GALNT17: variants seen among roughly 807,000 people sequenced by gnomAD.
GALNT17 encodes polypeptide N-acetylgalactosaminyltransferase 17, also known as UDP-GalNAc:polypeptide N-acetylgalactosaminyltransferase-like 3.
Under a neutral mutation model 63.7 loss-of-function variants are expected in GALNT17, and 29 were observed. The ratio of observed to expected loss-of-function variants is 0.46; its 90% CI spans 0.34 to 0.62. The LOEUF (loss-of-function observed/expected upper bound fraction) is 0.62, where lower values mean the gene tolerates loss of function less well. GALNT17 is among the 20% of genes least tolerant of loss of function. The probability of loss-of-function intolerance (pLI) is 0.01; values close to 1 mark genes in which losing one functional copy is unlikely to be tolerated. For missense variants in GALNT17, 603 were observed against 799.6 expected, an observed-to-expected ratio of 0.75 and a Z score of 2.97; for synonymous variants, 305 against 318.3, an observed-to-expected ratio of 0.96 and a Z score of 0.45.
chr7:71,670,267 G>T (rs1391472179), intron 8 of GALNT17, among the ~76,000 whole-genome samples, 158 bp downstream of exon 8: 1 of 152,100 alleles, frequency 6.6e-6, no homozygotes, highest in East Asian at 1.9e-4. Context: ...GGGGGGTTGG[G>T]GTAGGGAACA....
At chr7:71,596,547 A>G (rs753940883) in intron 6 of GALNT17, among the ~76,000 whole-genome samples, 3 of 151,958 alleles carry the variant, frequency 2.0e-5, no homozygotes, top group Non-Finnish European at 4.4e-5. Flanking sequence ...AATGGGAGGG[A>G]AGAAGGGGAG....
At chr7:71,283,249 C>T (rs141914404) in intron 1 of GALNT17, among the ~76,000 whole-genome samples, 14 of 147,970 alleles carry the variant, frequency 9.5e-5, no homozygotes, top group Non-Finnish European at 2.1e-4. Context: ...ACACCTTTCC[C>T]AGGTTCTTTT....
chr7:71,567,803 C>G (rs996056956), intron 5 of GALNT17, among the ~76,000 whole-genome samples: 1 of 152,188 alleles, frequency 6.6e-6, no homozygotes, highest in African/African-American at 2.4e-5. Flanking sequence ...GCTCCATTGA[C>G]TTATGCAATT....
intron 2 of GALNT17, among the ~76,000 whole-genome samples, chr7:71,367,916 C>A (rs189947301): frequency 1.3e-5 from 2 of 152,010 alleles, no homozygotes; most frequent in African/African-American, 4.8e-5. Flanking sequence ...TGTGATGGAG[C>A]CACACAGAGA....
intron 2 of GALNT17, among the ~76,000 whole-genome samples, chr7:71,368,340 C>T (rs565431219): frequency 6.6e-6 from 1 of 152,332 alleles, no homozygotes; most frequent in East Asian, 1.9e-4. Context: ...CCTGAAACAT[C>T]TATTTCAGTT....
intron 6 of GALNT17, among the ~76,000 whole-genome samples, chr7:71,575,220 C>A (rs764829400): frequency 6.6e-6 from 1 of 152,068 alleles, no homozygotes; most frequent in Admixed American, 6.6e-5. Context: ...CCATCCCCAC[C>A]GCCTGAATAA....
intron 5 of GALNT17, among the ~76,000 whole-genome samples, chr7:71,561,372 G>C (rs1020270490): frequency 6.6e-6 from 1 of 152,154 alleles, no homozygotes; most frequent in Non-Finnish European, 1.5e-5. Flanking sequence ...GCGGTACTAC[G>C]AAAACACTCA....
intron 1 of GALNT17, among the ~76,000 whole-genome samples, chr7:71,304,258 C>T (rs533746404): frequency 6.6e-6 from 1 of 152,182 alleles, no homozygotes; most frequent in African/African-American, 2.4e-5. Flanking sequence ...ACATTTACAA[C>T]GTGCCAGCAT....
intron 3 of GALNT17, among the ~76,000 whole-genome samples, chr7:71,394,354 C>T (rs774505287): frequency 6.6e-6 from 1 of 152,144 alleles, no homozygotes; most frequent in Admixed American, 6.5e-5. Flanking sequence ...CACCTACCAC[C>T]AGGCCCCACC....
chr7:71,181,884 G>GAA (rs11347622), intron 1 of GALNT17, among the ~76,000 whole-genome samples: 3 of 141,020 alleles, frequency 2.1e-5, no homozygotes, highest in Non-Finnish European at 4.7e-5. Flanking sequence ...CTCTTAAAAG[G>GAA]AAAAAAAAAA....
intron 1 of GALNT17, among the ~76,000 whole-genome samples, chr7:71,281,712 C>T (rs73354292): frequency 0.035 from 5,284 of 152,236 alleles, 323 homozygotes; most frequent in African/African-American, 0.12. Context: ...GTTTCCTTAA[C>T]GCTGGAAAAT....
At chr7:71,338,712 T>C (rs1483624989) in intron 2 of GALNT17, among the ~76,000 whole-genome samples, 1 of 152,226 alleles carries the variant, frequency 6.6e-6, no homozygotes, top group Non-Finnish European at 1.5e-5. Context: ...TTCTCCATTT[T>C]CTATTAGATT....
chr7:71,241,734 A>T (rs868620568), intron 1 of GALNT17, among the ~76,000 whole-genome samples: 1 of 152,056 alleles, frequency 6.6e-6, no homozygotes, highest in South Asian at 2.1e-4. Context: ...CAAAAAATTT[A>T]AAAAATTAGC....
intron 1 of GALNT17, among the ~76,000 whole-genome samples, chr7:71,285,763 T>C (rs4717590): frequency 0.43 from 65,625 of 152,046 alleles, 16,238 homozygotes; most frequent in Non-Finnish European, 0.54. Flanking sequence ...AATGTGCTGG[T>C]GCCTTGGTCT....
intron 6 of GALNT17, among the ~76,000 whole-genome samples, chr7:71,602,927 A>C (rs1789986500): frequency 6.6e-6 from 1 of 152,164 alleles, no homozygotes; most frequent in Non-Finnish European, 1.5e-5. Context: ...TGCTAAGTGC[A>C]TATACCAGGT....
At chr7:71,313,688 C>T (rs1303455450) in intron 1 of GALNT17, among the ~76,000 whole-genome samples, 1 of 152,160 alleles carries the variant, frequency 6.6e-6, no homozygotes, top group Non-Finnish European at 1.5e-5. Flanking sequence ...AGAGAGGGAG[C>T]TAGTCTGGGG....
intron 5 of GALNT17, among the ~76,000 whole-genome samples, chr7:71,432,200 A>G (rs556299429): frequency 2.6e-5 from 4 of 152,254 alleles, no homozygotes; most frequent in African/African-American, 9.6e-5. Flanking sequence ...GCAGAGATGC[A>G]TGAAGAGTCC....
intron 1 of GALNT17, among the ~76,000 whole-genome samples, chr7:71,254,635 A>G (rs1790257691): frequency 6.6e-6 from 1 of 152,064 alleles, no homozygotes; most frequent in African/African-American, 2.4e-5. Flanking sequence ...AATTCCCATC[A>G]TGGTCTCACC....
At chr7:71,641,355 G>A (rs571366484) in intron 6 of GALNT17, among the ~76,000 whole-genome samples, 1 of 152,290 alleles carries the variant, frequency 6.6e-6, no homozygotes, top group South Asian at 2.1e-4. Context: ...GGGAATTATA[G>A]AAGGACCTAC....
Sources: gnomAD v4.1 joint callset for allele counts (sites outside exome capture counted in the v4.1 genomes callset) on GRCh38, gnomAD v4.1.1 for gene constraint, MANE v1.5 for transcripts, NCBI Gene and HGNC (gene_info 2026-07-23, HGNC 2026-07-21) for gene names.